The following CDH8 variants were observed in gnomAD, a reference collection of about 807,000 sequenced individuals.
CDH8 encodes the protein cadherin-8.
A neutral mutation model predicts 68.1 loss-of-function variants in CDH8; 17 were observed. That is an observed-to-expected ratio of 0.25 (90% CI 0.17 to 0.37). The LOEUF (loss-of-function observed/expected upper bound fraction) is 0.37, where lower values mean the gene tolerates loss of function less well. Ranked by LOEUF, CDH8 falls within the 10% of genes least tolerant of loss-of-function variation. The pLI, the probability that CDH8 is intolerant of heterozygous loss-of-function variation, is 1.00. For synonymous variants in CDH8, 372 were observed against 365.1 expected (o/e 1.02, Z -0.21); for missense variants, 763 against 999.3 (o/e 0.76, Z 3.19).
intron 8 of CDH8, among the ~76,000 whole-genome samples, chr16:61,731,495 C>G (rs1014419253): frequency 6.6e-6 from 1 of 151,620 alleles, no homozygotes; most frequent in African/African-American, 2.4e-5. Context: ...TCAAAGAGAG[C>G]CCTGCCAAAA....
chr16:61,924,199 T>A (rs1405341418), intron 2 of CDH8, among the ~76,000 whole-genome samples: 1 of 152,180 alleles, frequency 6.6e-6, no homozygotes, highest in Non-Finnish European at 1.5e-5. Context: ...CCACTTTTAA[T>A]AAGTGGTTCG....
chr16:61,912,243 T>C (rs1964174543), intron 2 of CDH8, among the ~76,000 whole-genome samples: 1 of 152,064 alleles, frequency 6.6e-6, no homozygotes, highest in Non-Finnish European at 1.5e-5. Flanking sequence ...AAAGACTACA[T>C]AAAACTGGAG....
At chr16:61,903,363 G>A (rs749950609) in intron 2 of CDH8, among the ~76,000 whole-genome samples, 3 of 152,258 alleles carry the variant, frequency 2.0e-5, no homozygotes, top group South Asian at 2.1e-4. Context: ...TCGCTCTGTC[G>A]CCCAGGCTGG....
chr16:61,783,772 G>A (rs973031804), intron 8 of CDH8, among the ~76,000 whole-genome samples: 34 of 152,002 alleles, frequency 2.2e-4, no homozygotes, highest in African/African-American at 7.7e-4. Context: ...AAGAGAGTGG[G>A]GCCAATATTC....
At chr16:61,675,262 T>G (rs534863053) in intron 10 of CDH8, among the ~76,000 whole-genome samples, 1 of 151,916 alleles carries the variant, frequency 6.6e-6, no homozygotes, top group Non-Finnish European at 1.5e-5. Context: ...TGGAATACTA[T>G]GCAGCCATAA....
intron 10 of CDH8, among the ~76,000 whole-genome samples, chr16:61,686,777 T>C (rs912934296): frequency 6.6e-6 from 1 of 151,932 alleles, no homozygotes; most frequent in Non-Finnish European, 1.5e-5. Context: ...TTCTTTATAT[T>C]TATTTGAGTG....
At chr16:61,745,279 T>A (rs1298532990) in intron 8 of CDH8, among the ~76,000 whole-genome samples, 1 of 151,870 alleles carries the variant, frequency 6.6e-6, no homozygotes, top group African/African-American at 2.4e-5. Flanking sequence ...TGGGTTAATT[T>A]TAAATTCTCA....
intron 10 of CDH8, among the ~76,000 whole-genome samples, chr16:61,706,601 C>T (rs1964538295): frequency 8.1e-6 from 1 of 123,010 alleles, no homozygotes. Flanking sequence ...AGCCTGGGCA[C>T]CAGAGCAAGA....
At chr16:61,749,391 A>G (rs944583031) in intron 8 of CDH8, among the ~76,000 whole-genome samples, 1 of 152,126 alleles carries the variant, frequency 6.6e-6, no homozygotes, top group African/African-American at 2.4e-5. Flanking sequence ...GATTCTAGAA[A>G]GAAAGAATCT....
intron 7 of CDH8, among the ~76,000 whole-genome samples, chr16:61,796,258 T>TA (rs548740207): frequency 2.6e-5 from 4 of 152,060 alleles, no homozygotes; most frequent in East Asian, 1.9e-4. Context: ...TATTTTAGGT[T>TA]AAAAAAAATC....
intron 8 of CDH8, among the ~76,000 whole-genome samples, chr16:61,736,345 T>A (rs370419055): frequency 2.0e-5 from 3 of 152,140 alleles, no homozygotes; most frequent in East Asian, 3.9e-4. Flanking sequence ...TTGTTTTATA[T>A]GGCAATGAGC....
At chr16:61,847,409 A>G (rs542746676) in intron 4 of CDH8, among the ~76,000 whole-genome samples, 2 of 151,914 alleles carry the variant, frequency 1.3e-5, no homozygotes, top group East Asian at 3.9e-4. Context: ...AAACAAATTG[A>G]GTATTTTCCT....
At chr16:61,768,308 C>G (rs1408916120) in intron 8 of CDH8, among the ~76,000 whole-genome samples, 7 of 123,848 alleles carry the variant, frequency 5.7e-5, no homozygotes, top group African/African-American at 9.8e-5. Flanking sequence ...CTCTGTGTCT[C>G]TCCCTTTCTC....
rs1387227732 is a variant in CDH8, at chr16:61,952,435, AG to A, written c.253-50963del. On this transcript the variant is annotated intron_variant, in intron 2 of 11. Transcript: ENST00000577390. ...GGGCATCATGTAAGAATGAATAAAG[AG>A]GTTTGGCTTCATGGAGAAGTGCCAG... Among the ~76,000 whole-genome samples the A allele has an allele frequency of 2.0e-5, 3 of 152,196 alleles. No individual in the cohort carries two copies. The East Asian group carries it at 5.8e-4, about 29-fold the overall frequency.
intron 2 of CDH8, among the ~76,000 whole-genome samples, chr16:61,974,871 C>T (rs1965408034): frequency 6.6e-6 from 1 of 152,066 alleles, no homozygotes; most frequent in Non-Finnish European, 1.5e-5. Context: ...GTCCTCAGTG[C>T]CCCATCAGCA....
intron 8 of CDH8, among the ~76,000 whole-genome samples, chr16:61,773,306 G>A (rs1960824941): frequency 6.6e-6 from 1 of 151,908 alleles, no homozygotes; most frequent in Admixed American, 6.6e-5. Flanking sequence ...ATTTTTTTGT[G>A]TGAATGATTT....
At chr16:61,800,097 A>C (rs1237174727) in intron 7 of CDH8, among the ~76,000 whole-genome samples, 1 of 152,148 alleles carries the variant, frequency 6.6e-6, no homozygotes, top group Non-Finnish European at 1.5e-5. Context: ...TTTTATAGAT[A>C]GGAGGTTTCA....
At chr16:61,931,970 G>A (rs1964547751) in intron 2 of CDH8, among the ~76,000 whole-genome samples, 1 of 152,094 alleles carries the variant, frequency 6.6e-6, no homozygotes, top group Non-Finnish European at 1.5e-5. Flanking sequence ...CACTTTGGGA[G>A]GCCGAGGCGG....
Position 62,021,511 on chromosome 16 carries a change from T to C in CDH8, c.-108A>G. 6.7e-7 allele frequency: 1 copy of C among 1,498,792 alleles called. No homozygotes were observed. The highest frequency in any genetic ancestry group is 1.4e-5 in the South Asian group (1 of 71,262). 92.8% of individuals were successfully genotyped at this position (1,498,792 alleles called of 1,614,324 possible). ...GCAGTGCCGAGCATTTACTTACAGC[T>C]CTGCCACGTGTCTATAGCACGGGAA... On this transcript the variant is annotated 5_prime_UTR_variant, in exon 2 of 12. Coordinates refer to ENST00000577390, the MANE Select transcript of CDH8 (RefSeq NM_001796.5).
Sources: allele counts gnomAD v4.1 joint callset (sites outside exome capture counted in the v4.1 genomes callset), GRCh38; gene constraint gnomAD v4.1.1; transcripts MANE v1.5; gene names NCBI Gene and HGNC (gene_info 2026-07-23, HGNC 2026-07-21).